LYPD6B: variants seen among roughly 807,000 people sequenced by gnomAD.
LYPD6B encodes LY6/PLAUR domain containing 6B.
LYPD6B carries 17 observed loss-of-function variants against 22.8 expected under a neutral mutation model. The ratio of observed to expected loss-of-function variants is 0.75; its 90% CI spans 0.51 to 1.12. The LOEUF is 1.12. Among genes scored for constraint, LYPD6B ranks in the 50% most tolerant of loss-of-function variants. The pLI, the probability that LYPD6B is intolerant of heterozygous loss-of-function variation, is 0.00. For synonymous variants in LYPD6B, 106 were observed against 91.6 expected (o/e 1.16, Z -0.90); for missense variants, 221 against 258.3 (o/e 0.86, Z 0.99).
At chr2:149,208,470 A>T in intron 5 of LYPD6B, 58 bp downstream of exon 5, 1 of 1,300,470 alleles carries the variant, frequency 7.7e-7, no homozygotes, top group Admixed American at 1.7e-5. Flanking sequence ...ATCTCTCCTG[A>T]CTTGATGATG....
At chr2:149,162,865 G>T (rs1690169179) in intron 3 of LYPD6B, among the ~76,000 whole-genome samples, 1 of 151,790 alleles carries the variant, frequency 6.6e-6, no homozygotes, top group African/African-American at 2.4e-5. Context: ...TGTATGGTTA[G>T]AGAGCCTTAA....
chr2:149,066,456 T>A (rs1015738662), intron 1 of LYPD6B, among the ~76,000 whole-genome samples: 1 of 151,958 alleles, frequency 6.6e-6, no homozygotes, highest in African/African-American at 2.4e-5. Context: ...GATAGTTTGC[T>A]GAGAATGATG....
chr2:149,041,513 T>C (rs1227186091), intron 1 of LYPD6B, among the ~76,000 whole-genome samples: 1 of 152,166 alleles, frequency 6.6e-6, no homozygotes, highest in East Asian at 1.9e-4. Flanking sequence ...CAAGCTATTT[T>C]CCGGAGCTGT....
intron 1 of LYPD6B, among the ~76,000 whole-genome samples, chr2:149,116,639 G>A (rs371499109): frequency 3.3e-5 from 5 of 152,156 alleles, no homozygotes; most frequent in Admixed American, 2.0e-4. Context: ...GGAAGGAACT[G>A]TATTAGCAGT....
At chr2:149,073,537 G>A (rs969954248) in intron 1 of LYPD6B, among the ~76,000 whole-genome samples, 2 of 152,100 alleles carry the variant, frequency 1.3e-5, no homozygotes, top group Non-Finnish European at 2.9e-5. Context: ...GTTGGTTCTG[G>A]TCTGTGTCCT....
At chr2:149,169,656 C>T (rs1199026372) in intron 3 of LYPD6B, among the ~76,000 whole-genome samples, 1 of 152,196 alleles carries the variant, frequency 6.6e-6, no homozygotes, top group Admixed American at 6.5e-5. Flanking sequence ...TTTCACCTAT[C>T]AGTCGATCCC....
chr2:149,142,774 G>A (rs1688770103), intron 2 of LYPD6B, among the ~76,000 whole-genome samples: 1 of 152,150 alleles, frequency 6.6e-6, no homozygotes, highest in Admixed American at 6.6e-5. Context: ...GAGCAGCTGG[G>A]ACTACAAGTG....
Position 149,088,976 on chromosome 2 carries a change from A to C in LYPD6B, c.-66-41907A>C, listed in dbSNP as rs576574635. On this transcript the variant is annotated intron_variant, in intron 1 of 6. Transcript: ENST00000409642. ...TGAAGACTGGACAGAGCTACCACAT[A>C]CTTCCTTTTGAAGAGTTCTCAAACA... Among the ~76,000 whole-genome samples, 3 of 152,236 alleles carry C rather than the reference A, an allele frequency of 2.0e-5. No individual in the cohort carries two copies. In the South Asian group the frequency reaches 6.2e-4, roughly 32 times the overall value.
At chr2:149,147,624 C>G (rs1559032196) in intron 2 of LYPD6B, among the ~76,000 whole-genome samples, 1 of 152,102 alleles carries the variant, frequency 6.6e-6, no homozygotes, top group African/African-American at 2.4e-5. Context: ...AGTGATTCTC[C>G]CCCTGCAGCC....
At chr2:149,121,003 G>A (rs1439582025) in intron 1 of LYPD6B, among the ~76,000 whole-genome samples, 1 of 151,816 alleles carries the variant, frequency 6.6e-6, no homozygotes, top group African/African-American at 2.4e-5. Flanking sequence ...TGTTGGCCAG[G>A]CTGGTCTCAA....
At chr2:149,170,405 T>C (rs547856233) in intron 3 of LYPD6B, among the ~76,000 whole-genome samples, 3 of 152,334 alleles carry the variant, frequency 2.0e-5, no homozygotes, top group East Asian at 3.9e-4. Flanking sequence ...CCATCTGTCT[T>C]CTATCACGTC....
At chr2:149,205,964 A>G (rs1693482387) in intron 4 of LYPD6B, 1 of 452,826 alleles carries the variant, frequency 2.2e-6, no homozygotes, top group African/African-American at 2.0e-5. Context: ...TTTTACATAC[A>G]TATGTCTAGA....
At chr2:149,099,910 GTGT>G (rs151216306) in intron 1 of LYPD6B, among the ~76,000 whole-genome samples, 2,192 of 152,296 alleles carry the variant, frequency 0.014, 21 homozygotes, top group Non-Finnish European at 0.023. Flanking sequence ...TGGTTAGGAA[GTGT>G]TTTCTGTGGT....
intron 2 of LYPD6B, among the ~76,000 whole-genome samples, chr2:149,139,238 C>A (rs1046754816): frequency 6.6e-6 from 1 of 152,124 alleles, no homozygotes; most frequent in African/African-American, 2.4e-5. Flanking sequence ...ATGGCTTTTC[C>A]ATGAAACATA....
chr2:149,116,974 G>C (rs762833055), intron 1 of LYPD6B, among the ~76,000 whole-genome samples: 1 of 151,868 alleles, frequency 6.6e-6, no homozygotes, highest in Admixed American at 6.6e-5. Flanking sequence ...CAGAATCCCC[G>C]TCTTCCTAAT....
intron 1 of LYPD6B, among the ~76,000 whole-genome samples, chr2:149,039,628 C>G (rs73962852): frequency 8.5e-5 from 13 of 152,312 alleles, no homozygotes; most frequent in African/African-American, 3.1e-4. Context: ...TTACAACAGA[C>G]TTAGGTTATA....
chr2:149,173,349 CTTTTTTTTT>C (rs67113716), intron 3 of LYPD6B, among the ~76,000 whole-genome samples: 8 of 58,488 alleles, frequency 1.4e-4, no homozygotes, highest in Admixed American at 2.4e-4. Context: ...TCTGTCAGGC[CTTTTTTTTT>C]TTTTTTTTTT....
intron 1 of LYPD6B, among the ~76,000 whole-genome samples, chr2:149,095,220 C>T (rs1054106493): frequency 1.3e-5 from 2 of 152,076 alleles, no homozygotes; most frequent in Admixed American, 6.6e-5. Context: ...CGCTTGAACC[C>T]GGGAGGCAGA....
chr2:149,198,493 T>G (rs903876475), intron 3 of LYPD6B, among the ~76,000 whole-genome samples: 3 of 152,204 alleles, frequency 2.0e-5, no homozygotes, highest in Admixed American at 6.5e-5. Flanking sequence ...TTCTTAAAAT[T>G]TGAATCACAT....
Sources: gnomAD v4.1 joint callset for allele counts (sites outside exome capture counted in the v4.1 genomes callset) on GRCh38, gnomAD v4.1.1 for gene constraint, MANE v1.5 for transcripts, NCBI Gene and HGNC (gene_info 2026-07-23, HGNC 2026-07-21) for gene names.